Variants in ATAD2 observed in about 807,000 individuals in gnomAD.
The protein encoded by ATAD2 is ATPase family AAA domain containing 2, also known as ATPase family AAA domain-containing protein 2.
Under a neutral mutation model 168.9 loss-of-function variants are expected in ATAD2, and 62 were observed. The ratio of observed to expected loss-of-function variants is 0.37; its 90% CI spans 0.30 to 0.45. ATAD2 has a LOEUF of 0.45. ATAD2 is among the 20% of genes least tolerant of loss of function. The pLI, the probability that ATAD2 is intolerant of heterozygous loss-of-function variation, is 1.00. For missense variants in ATAD2, 1,419 were observed against 1,667.8 expected, an observed-to-expected ratio of 0.85 and a Z score of 2.60; for synonymous variants, 613 against 571.6, an observed-to-expected ratio of 1.07 and a Z score of -1.03.
At chr8:123,388,144 C>T (rs1226462664) in intron 1 of ATAD2, among the ~76,000 whole-genome samples, 1 of 152,208 alleles carries the variant, frequency 6.6e-6, no homozygotes, top group Non-Finnish European at 1.5e-5. Flanking sequence ...CCAATAGCTA[C>T]ATCCAATAGC....
At chr8:123,332,103 T>C (rs1358336501) in intron 24 of ATAD2, among the ~76,000 whole-genome samples, 1 of 152,222 alleles carries the variant, frequency 6.6e-6, no homozygotes, top group Non-Finnish European at 1.5e-5. Context: ...GGTGATAAAA[T>C]AGACTACTGT....
chr8:123,346,706 C>T lies in ATAD2; in HGVS notation c.2257G>A (p.Asp753Asn), dbSNP rs1242307528. The change falls in exon 17 of 28, where the codon GAT becomes AAT. Residue 753 changes from aspartate (D) to asparagine (N), a missense_variant. By Grantham distance (23) the Asp-to-Asn change is conservative. Transcript: ENST00000287394. ...TTTTCATAAACTGATGGAACATCAT[C>T]ATCACTGTAAGCCAAGTCACTTTCT... Reference protein sequence around the residue: ...LLESDLAYSDDDVPSVYENGL... With the variant: ...LLESDLAYSDNDVPSVYENGL... 1 of 1,597,816 alleles carries T rather than the reference C, an allele frequency of 6.3e-7. No homozygotes were observed. Among genetic ancestry groups the T allele is most frequent in the Admixed American group, 1.8e-5 (1 of 57,026 alleles).
At chr8:123,390,047 C>T (rs1344938193) in intron 1 of ATAD2, among the ~76,000 whole-genome samples, 4 of 146,694 alleles carry the variant, frequency 2.7e-5, no homozygotes, top group African/African-American at 7.5e-5. Flanking sequence ...GGCGCAATCT[C>T]GGCTCACTGC....
intron 26 of ATAD2, among the ~76,000 whole-genome samples, chr8:123,324,256 T>C (rs1827547825): frequency 6.6e-6 from 1 of 152,248 alleles, no homozygotes; most frequent in African/African-American, 2.4e-5. Context: ...CCTAAGTTCA[T>C]TAGTACTAAC....
At chr8:123,365,050 T>C (rs1312482610) in intron 8 of ATAD2, among the ~76,000 whole-genome samples, 1 of 152,152 alleles carries the variant, frequency 6.6e-6, no homozygotes, top group Non-Finnish European at 1.5e-5. Flanking sequence ...AAAAAACTCC[T>C]AGAACTGACA....
chr8:123,339,025 T>C (rs1238015320), intron 20 of ATAD2, among the ~76,000 whole-genome samples: 1 of 152,002 alleles, frequency 6.6e-6, no homozygotes, highest in Non-Finnish European at 1.5e-5. Flanking sequence ...GGTTTAAAGA[T>C]AGTGTTTTAT....
rs567737470 is a variant in ATAD2 at position 123,396,164 on chromosome 8, G to T, written c.171+23C>A. The T allele has an allele frequency of 3.3e-5, 51 of 1,539,658 alleles. 1 individual carries two copies. In the South Asian group the frequency reaches 5.8e-4, roughly 17 times the overall value. On this transcript the variant is annotated intron_variant, in intron 1 of 27. Transcript: ENST00000287394. ...AGTCCCCCCGGGAACCGCCCTGGGA[G>T]CCCGCCTCAGGCCCGTACTCACGCC...
intron 24 of ATAD2, among the ~76,000 whole-genome samples, chr8:123,333,383 C>T (rs1827830087): frequency 7.8e-6 from 1 of 127,748 alleles, no homozygotes; most frequent in African/African-American, 3.0e-5. Context: ...GCACTCCAGC[C>T]TGGGTGACAG....
intron 3 of ATAD2, 77 bp downstream of exon 3, chr8:123,372,560 G>T: frequency 1.8e-6 from 2 of 1,103,046 alleles, no homozygotes; most frequent in South Asian, 3.5e-5. Flanking sequence ...AAAATTTATT[G>T]TAGGTACCTC....
chr8:123,402,209 G>A lies in ATAD2; in HGVS notation c.-2281-1034C>T, dbSNP rs1813012418. On this transcript the variant is annotated intron_variant, in intron 1 of 28. Coordinates refer to the ATAD2 transcript ENST00000521903. This position sits in a 1 kb window ranked among gnomAD's most constrained non-coding sequence, Gnocchi z 4.8. ...GAGTGGTCCACAGATTTGCACTACG[G>A]GTTCCCCAGCTCCTTTCCAGGGAGA... The A allele has an allele frequency of 1.6e-6, 1 of 620,810 alleles. No homozygotes were observed. Among genetic ancestry groups the A allele is most frequent in the African/African-American group, 1.8e-5 (1 of 54,838 alleles). The allele number at this position is 620,810 out of a possible 1,614,324, so 38.5% of individuals were successfully genotyped here. A position where few individuals can be genotyped will look rare whatever the true frequency, so the allele number is the denominator to read the frequency against.
chr8:123,414,936 C>G (rs1813221211), intron 1 of ATAD2, among the ~76,000 whole-genome samples: 1 of 152,060 alleles, frequency 6.6e-6, no homozygotes, highest in Non-Finnish European at 1.5e-5. Context: ...ATTCATCGTG[C>G]TTTGTTGCCT....
chr8:123,336,590 C>T, intron 21 of ATAD2, 58 bp from the exon 22 acceptor site: 1 of 1,341,756 alleles, frequency 7.5e-7, no homozygotes, highest in South Asian at 1.8e-5. Context: ...ACATGTGAGT[C>T]AAGTTTCGAT....
chr8:123,336,671 C>T, intron 21 of ATAD2, 139 bp from the exon 22 acceptor site: 1 of 639,212 alleles, frequency 1.6e-6, no homozygotes, highest in Non-Finnish European at 2.3e-6. Context: ...TAAAACCTTT[C>T]ACTTGATTTA....
At chr8:123,349,820 C>T (rs1015383793) in intron 13 of ATAD2, among the ~76,000 whole-genome samples, 1 of 151,064 alleles carries the variant, frequency 6.6e-6, no homozygotes, top group African/African-American at 2.4e-5. Context: ...GAAGAGTACT[C>T]GAGGCCAGGA....
In ATAD2 at chr8:123,323,317, G is replaced by A. The variant is rs75560484; in HGVS notation, c.4003-251C>T. On this transcript the variant is annotated intron_variant, in intron 26 of 27. Coordinates refer to ENST00000287394, the MANE Select transcript of ATAD2 (RefSeq NM_014109.4). Reference sequence around the variant, plus strand: ...GAGGGGATTGCCAATTCTAAGTCTAGCCATAAGCATCTACAAACAAATTAA... The same window carrying A: ...GAGGGGATTGCCAATTCTAAGTCTAACCATAAGCATCTACAAACAAATTAA... 6.0e-3 allele frequency among the ~76,000 whole-genome samples: 909 copies of A among 152,274 alleles called. 5 individuals are homozygous for A. Among genetic ancestry groups the A allele is most frequent in the African/African-American group, 0.021 (852 of 41,548 alleles).
intron 24 of ATAD2, among the ~76,000 whole-genome samples, chr8:123,333,409 CAAAAAAAAAAAAA>C (rs35820976): frequency 3.2e-5 from 2 of 61,712 alleles, no homozygotes; most frequent in African/African-American, 6.3e-5. Context: ...GACTCCGTCT[CAAAAAAAAAAAAA>C]AAAAAAAAAA....
chr8:123,350,844 C>A (rs1383534968), intron 13 of ATAD2, among the ~76,000 whole-genome samples: 2 of 151,994 alleles, frequency 1.3e-5, no homozygotes, highest in African/African-American at 4.8e-5. Flanking sequence ...CCTGCCTCAG[C>A]CTCCTGAGTA....
chr8:123,386,818 T>A (rs917459906), intron 1 of ATAD2, among the ~76,000 whole-genome samples: 2 of 151,860 alleles, frequency 1.3e-5, no homozygotes, highest in Non-Finnish European at 2.9e-5. Flanking sequence ...GACAATCTTA[T>A]AAGTGGTATA....
intron 19 of ATAD2, chr8:123,344,667 G>A (rs1828177224): frequency 1.9e-6 from 1 of 518,934 alleles, no homozygotes; most frequent in Non-Finnish European, 3.4e-6. Context: ...TTTTTCAAGA[G>A]AAAAAATTTA....
Sources: allele counts gnomAD v4.1 joint callset (sites outside exome capture counted in the v4.1 genomes callset), GRCh38; gene constraint gnomAD v4.1.1; non-coding constraint Gnocchi (gnomAD v3.1); transcripts MANE v1.5; gene names NCBI Gene and HGNC (gene_info 2026-07-23, HGNC 2026-07-21).